ST8SIA6: variants seen among roughly 807,000 people sequenced by gnomAD.
The protein encoded by ST8SIA6 is ST8 alpha-N-acetyl-neuraminide alpha-2,8-sialyltransferase 6, also known as alpha-2,8-sialyltransferase 8F.
Under a neutral mutation model 33.6 loss-of-function variants are expected in ST8SIA6, and 39 were observed. The ratio of observed to expected loss-of-function variants is 1.16; its 90% confidence interval spans 0.90 to 1.52. ST8SIA6 has a LOEUF of 1.52. Ranked by LOEUF, ST8SIA6 falls within the 40% of genes most tolerant of loss-of-function variation. The pLI, the probability that ST8SIA6 is intolerant of heterozygous loss-of-function variation, is 0.00. For synonymous variants in ST8SIA6, 172 were observed against 167.2 expected, an observed-to-expected ratio of 1.03 and a Z score of -0.22; for missense variants, 441 against 443.8, an observed-to-expected ratio of 0.99 and a Z score of 0.06.
At position 17,436,622 on chromosome 10, in the gene ST8SIA6, G is replaced by A. The variant is rs562676784; in HGVS notation, c.200+16937C>T. On this transcript the variant is annotated intron_variant, in intron 2 of 7. Transcript: ENST00000377602. ...CCACCTATGAGTGAGAACATGCAGT[G>A]TTTGGTTTTTTGTCCTTGTGATAGT... is the stretch of plus-strand genomic sequence containing the variant. 5.6e-3 allele frequency among the ~76,000 whole-genome samples: 839 copies of A among 149,232 alleles called. 6 individuals are homozygous for A. The highest frequency in any genetic ancestry group is 0.02 in the African/African-American group (801 of 40,484).
chr10:17,395,035 C>T lies in ST8SIA6; in HGVS notation c.201-4415G>A, dbSNP rs571133100. ...TGAATTATAGCTTTCACAATTCCCA[C>T]GTGTTGTGGGAAGGACCCTGTCGGA... On this transcript the variant is annotated intron_variant, in intron 2 of 7. Coordinates refer to ENST00000377602, the MANE Select transcript of ST8SIA6 (RefSeq NM_001004470.3). Among the ~76,000 whole-genome samples the T allele has an allele frequency of 3.9e-5, 6 of 152,216 alleles. No individual in the cohort carries two copies. In the South Asian group the frequency reaches 8.3e-4, roughly 21 times the overall value.
intron 2 of ST8SIA6, among the ~76,000 whole-genome samples, chr10:17,416,601 T>C (rs1382850763): frequency 6.6e-6 from 1 of 152,144 alleles, no homozygotes; most frequent in African/African-American, 2.4e-5. Context: ...TTCCTGTCCT[T>C]CTCTTCTCTC....
At position 17,441,529 on chromosome 10, in the gene ST8SIA6, GA is replaced by G. The variant is rs1191630563; in HGVS notation, c.200+12029del. Among the ~76,000 whole-genome samples the G allele has an allele frequency of 2.6e-5, 4 of 151,992 alleles. No individual in the cohort carries two copies. In the East Asian group the frequency reaches 7.7e-4, roughly 29 times the overall value. On this transcript the variant is annotated intron_variant, in intron 2 of 7. Coordinates refer to ENST00000377602, the MANE Select transcript of ST8SIA6 (RefSeq NM_001004470.3). ...GGTTTCACCATGTTAGGCTGCTCGC[GA>G]ACTCCTGACCTCCAGTGATCCACCT...
intron 2 of ST8SIA6, among the ~76,000 whole-genome samples, chr10:17,404,568 C>G (rs1851178849): frequency 6.6e-6 from 1 of 152,164 alleles, no homozygotes; most frequent in Non-Finnish European, 1.5e-5. Flanking sequence ...TGCTTAATAT[C>G]TGACCATCTT....
intron 3 of ST8SIA6, among the ~76,000 whole-genome samples, chr10:17,374,727 TAAATAAATAAATAAATAAATAATAA>T (rs1251519161): frequency 1.4e-3 from 112 of 78,546 alleles, no homozygotes; most frequent in Non-Finnish European, 2.4e-3. Context: ...AATAAATAAA[TAAATAAATAAATAAATAAATAATAA>T]ATATATATAT....
chr10:17,370,804 G>A (rs1849708872), intron 3 of ST8SIA6, among the ~76,000 whole-genome samples: 1 of 152,188 alleles, frequency 6.6e-6, no homozygotes, highest in Non-Finnish European at 1.5e-5. Flanking sequence ...GCACTTGTAA[G>A]AAACTTGCAG....
intron 2 of ST8SIA6, among the ~76,000 whole-genome samples, chr10:17,433,538 G>A (rs1480599274): frequency 6.6e-6 from 1 of 152,160 alleles, no homozygotes; most frequent in African/African-American, 2.4e-5. Context: ...TGGGTCCATG[G>A]TAGGCACTTC....
intron 7 of ST8SIA6, among the ~76,000 whole-genome samples, chr10:17,322,498 A>T (rs1847992293): frequency 6.6e-6 from 1 of 152,182 alleles, no homozygotes; most frequent in Admixed American, 6.6e-5. Context: ...GGGATGCTAT[A>T]ACTATTAGCA....
chr10:17,453,257 G>T (rs1470600301), intron 2 of ST8SIA6, among the ~76,000 whole-genome samples: 1 of 134,866 alleles, frequency 7.4e-6, no homozygotes, highest in Admixed American at 7.5e-5. Flanking sequence ...GCGGGGTCGG[G>T]GGCGGGGGTG....
At chr10:17,436,529 C>T (rs1465194316) in intron 2 of ST8SIA6, among the ~76,000 whole-genome samples, 2 of 126,710 alleles carry the variant, frequency 1.6e-5, no homozygotes, top group African/African-American at 5.8e-5. Flanking sequence ...CCCCTCCCCC[C>T]ACCCCACAAC....
intron 3 of ST8SIA6, among the ~76,000 whole-genome samples, chr10:17,374,124 A>T (rs1849819710): frequency 7.0e-6 from 1 of 142,084 alleles, no homozygotes; most frequent in African/African-American, 2.5e-5. Context: ...CGGGAAAAGT[A>T]GTCTATTTCT....
rs1848295470 is a variant in ST8SIA6, at chr10:17,331,444, G to T, written c.486C>A (p.Ile162=). The T allele has an allele frequency of 1.9e-6, 3 of 1,613,394 alleles. No homozygotes were observed. The highest frequency in any genetic ancestry group is 1.7e-6 in the Non-Finnish European group (2 of 1,179,740). ...TATGAAAAATGTTCTTCTTAATTGGGATTTCTTTTTTGCTTTCCACCTCGT... is the reference window on the plus strand; with the variant it reads ...TATGAAAAATGTTCTTCTTAATTGGTATTTCTTTTTTGCTTTCCACCTCGT... The part of the protein sequence containing the change: ...MSYEVESKKE[I]PIKKNIFHMF... Residue 162 remains isoleucine, a synonymous_variant, in exon 5 of 8, where the codon ATC becomes ATA. Transcript: ENST00000377602.
At chr10:17,324,268 A>G (rs1159015176) in intron 6 of ST8SIA6, among the ~76,000 whole-genome samples, 1 of 152,168 alleles carries the variant, frequency 6.6e-6, no homozygotes, top group Non-Finnish European at 1.5e-5. Context: ...AGAAGATGAA[A>G]TAAGCTGTAC....
chr10:17,333,697 ATATATATATATATATATATATTTTTT>A (rs1564404930), intron 4 of ST8SIA6, among the ~76,000 whole-genome samples: 1 of 22,008 alleles, frequency 4.5e-5, no homozygotes, highest in Non-Finnish European at 7.7e-5. Flanking sequence ...ATATATATAT[ATATATATATATATATATATATTTTTT>A]TTTTTTTTTT....
intron 3 of ST8SIA6, among the ~76,000 whole-genome samples, chr10:17,367,753 G>A (rs1475866611): frequency 6.6e-6 from 1 of 152,136 alleles, no homozygotes; most frequent in Non-Finnish European, 1.5e-5. Flanking sequence ...GTTTTTACAA[G>A]TAAGACCTAT....
At chr10:17,333,717 ATTTTTTTT>A (rs71392102) in intron 4 of ST8SIA6, among the ~76,000 whole-genome samples, 4 of 33,754 alleles carry the variant, frequency 1.2e-4, no homozygotes, top group Non-Finnish European at 1.9e-4. Flanking sequence ...ATATATATAT[ATTTTTTTT>A]TTTTTTTTTT....
chr10:17,432,295 G>A (rs1023839707), intron 2 of ST8SIA6, among the ~76,000 whole-genome samples: 33 of 152,160 alleles, frequency 2.2e-4, no homozygotes, highest in African/African-American at 7.7e-4. Flanking sequence ...GAGAGGACAG[G>A]ATGGAGTTTG....
chr10:17,403,117 C>T (rs1294099081), intron 2 of ST8SIA6, among the ~76,000 whole-genome samples: 2 of 152,160 alleles, frequency 1.3e-5, no homozygotes, highest in Admixed American at 6.5e-5. Flanking sequence ...CTCCACCCCA[C>T]AGATTACCCC....
rs567300578 is a variant in ST8SIA6 at position 17,446,501 on chromosome 10, A to G, written c.200+7058T>C. ...TGAGAGAAGAAAATAATTGTAAAGA[A>G]TAAAAATGTAACCAATTTACTGTTT... On this transcript the variant is annotated intron_variant, in intron 2 of 7. Coordinates refer to ENST00000377602, the MANE Select transcript of ST8SIA6 (RefSeq NM_001004470.3). Among the ~76,000 whole-genome samples, 3 of 152,362 alleles carry G rather than the reference A, an allele frequency of 2.0e-5. 1 individual carries two copies. The Middle Eastern group carries it at 0.01, about 518-fold the overall frequency.
Sources: gnomAD v4.1 joint callset for allele counts (sites outside exome capture counted in the v4.1 genomes callset) on GRCh38, gnomAD v4.1.1 for gene constraint, MANE v1.5 for transcripts, NCBI Gene and HGNC (gene_info 2026-07-23, HGNC 2026-07-21) for gene names.